The following UTRN variants were observed in gnomAD, a reference collection of about 807,000 sequenced individuals.
UTRN encodes utrophin, also known as dystrophin-related protein 1.
Under a neutral mutation model 463.9 loss-of-function variants are expected in UTRN, and 283 were observed. The observed-to-expected ratio is 0.61, with a 90% CI of 0.55 to 0.67. The LOEUF is 0.67. Ranked by LOEUF, UTRN falls within the 30% of genes least tolerant of loss-of-function variation. The pLI, the probability that UTRN is intolerant of heterozygous loss-of-function variation, is 0.00. For synonymous variants in UTRN, 1,442 were observed against 1,431.5 expected, an observed-to-expected ratio of 1.01 and a Z score of -0.17; for missense variants, 3,922 against 4,084.3, an observed-to-expected ratio of 0.96 and a Z score of 1.08.
intron 58 of UTRN, among the ~76,000 whole-genome samples, chr6:144,763,664 T>TATC (rs1792960866): frequency 6.6e-6 from 1 of 151,928 alleles, no homozygotes; most frequent in Admixed American, 6.6e-5. Context: ...CAGAGAGGAG[T>TATC]ATCAGCAAGG....
intron 61 of UTRN, among the ~76,000 whole-genome samples, chr6:144,784,287 A>G (rs1776111171): frequency 6.6e-6 from 1 of 152,194 alleles, no homozygotes; most frequent in Admixed American, 6.5e-5. Flanking sequence ...GATAGACTGA[A>G]TGGCTTCAAC....
intron 48 of UTRN, among the ~76,000 whole-genome samples, chr6:144,551,378 G>A (rs980055612): frequency 2.0e-5 from 3 of 151,848 alleles, no homozygotes; most frequent in Non-Finnish European, 4.4e-5. Context: ...CTTTCTTTTA[G>A]AGGAATAAAA....
Position 144,554,760 on chromosome 6 carries a change from T to TTGAG in UTRN, c.7001_7002insTGAG (p.Met2334IlefsTer5). Reference sequence around the variant, plus strand: ...CTAAGACAGCAGCAGCTTGAGGACATGATTATTGACAGTCTTCAGTGGGAT... The same window carrying TTGAG: ...CTAAGACAGCAGCAGCTTGAGGACATTGAGGATTATTGACAGTCTTCAGTGGGAT... On this transcript the variant is annotated frameshift_variant, in exon 49 of 75. Transcript: ENST00000367545. LOFTEE classifies it high-confidence loss of function. The TTGAG allele has an allele frequency of 6.2e-7, 1 of 1,613,894 alleles. No individual in the cohort carries two copies. Among genetic ancestry groups the TTGAG allele is most frequent in the African/African-American group, 1.3e-5 (1 of 74,960 alleles).
intron 51 of UTRN, among the ~76,000 whole-genome samples, chr6:144,668,537 A>T (rs1379578717): frequency 2.6e-5 from 4 of 152,164 alleles, no homozygotes; most frequent in Non-Finnish European, 5.9e-5. Flanking sequence ...AAACCACAGA[A>T]ATGTATTTCT....
At chr6:144,580,962 A>G (rs913429935) in intron 51 of UTRN, among the ~76,000 whole-genome samples, 3 of 152,224 alleles carry the variant, frequency 2.0e-5, no homozygotes, top group Non-Finnish European at 1.5e-5. Context: ...AATAGTATAC[A>G]TAGACTGAGG....
intron 48 of UTRN, among the ~76,000 whole-genome samples, chr6:144,551,780 A>C (rs531460006): frequency 2.0e-5 from 3 of 152,258 alleles, no homozygotes; most frequent in Admixed American, 2.0e-4. Context: ...TTCAGCCCTC[A>C]GCCCGGCCTG....
At chr6:144,485,257 A>T in intron 27 of UTRN, 128 bp from the exon 28 acceptor site, 1 of 1,362,818 alleles carries the variant, frequency 7.3e-7, no homozygotes. Flanking sequence ...TTTCAACTCC[A>T]TCAGTTCTGA....
chr6:144,719,270 A>T (rs537555822), intron 53 of UTRN, among the ~76,000 whole-genome samples: 22 of 152,286 alleles, frequency 1.4e-4, no homozygotes, highest in African/African-American at 4.6e-4. Context: ...AATGAGAAAG[A>T]GCAGAGCTAT....
At chr6:144,318,771 T>G (rs1775443072) in intron 2 of UTRN, among the ~76,000 whole-genome samples, 1 of 152,160 alleles carries the variant, frequency 6.6e-6, no homozygotes, top group Non-Finnish European at 1.5e-5. Context: ...GCCTATAATG[T>G]CTACTGAAAA....
Position 144,542,863 on chromosome 6 carries a change from G to T in UTRN, c.6588G>T (p.Arg2196Ser). The T allele has an allele frequency of 2.5e-6, 4 of 1,612,502 alleles. No homozygotes were observed. Among genetic ancestry groups the T allele is most frequent in the Non-Finnish European group, 1.7e-6 (2 of 1,179,364 alleles). Reference sequence around the variant, plus strand: ...AGCCCAGTTCTGTTTCACAGACAAGGATTGCTGGTAAGATATGTTTATCTT... The same window carrying T: ...AGCCCAGTTCTGTTTCACAGACAAGTATTGCTGGTAAGATATGTTTATCTT... The part of the protein sequence containing the change: ...IQEPSSVSQT[R>S]IAAHPNVQKV... Residue 2196 changes from arginine (R) to serine (S), a missense_variant, in exon 46 of 75, where the codon AGG becomes AGT. By Grantham distance (110) the Arg-to-Ser change is moderately radical (BLOSUM62 -1). Around this residue, in one of 3 missense-constraint regions of UTRN, gnomAD observed 2,349 missense variants for 2,303.8 expected, o/e 1.02. Coordinates refer to ENST00000367545, the MANE Select transcript of UTRN (RefSeq NM_007124.3).
In UTRN at chr6:144,487,541, A is replaced by T; in HGVS notation, c.3823-7A>T. 1.3e-6 allele frequency: 2 copies of T among 1,588,332 alleles called. No homozygotes were observed. The highest frequency in any genetic ancestry group is 1.7e-6 in the Non-Finnish European group (2 of 1,165,476). On this transcript the variant is annotated splice_region_variant and splice_polypyrimidine_tract_variant and intron_variant, in intron 28 of 74. Transcript: ENST00000367545. ...ATTATTATTTTTTTTTCCCATCTCC[A>T]TTCCAGTCTCTGGAATCTGTTCTGC...
Position 144,678,473 on chromosome 6 carries a change from T to C in UTRN, c.7547T>C (p.Met2516Thr). 2 of 1,613,448 alleles carry C rather than the reference T, an allele frequency of 1.2e-6. No homozygotes were observed. Among genetic ancestry groups the C allele is most frequent in the Non-Finnish European group, 1.7e-6 (2 of 1,179,650 alleles). The change falls in exon 52 of 75, where the codon ATG (methionine) becomes ACG (threonine). Residue 2516 changes from methionine to threonine, a missense_variant. Physicochemically the swap from Met to Thr is moderately conservative, Grantham distance 81 (BLOSUM62 -1). Transcript: ENST00000367545. ...AGCATTGACGGAAACAGGCAGAAGA[T>C]GGTAAAAGCTTTGGGAAATTCTGAA... ...FKSIDGNRQK[M>T]VKALGNSEEA...
intron 2 of UTRN, among the ~76,000 whole-genome samples, chr6:144,307,328 G>GGAGA (rs1805834240): frequency 6.6e-6 from 1 of 152,140 alleles, no homozygotes; most frequent in Admixed American, 6.5e-5. Context: ...GTTTGGGGAG[G>GGAGA]GAGAGAAGAG....
At chr6:144,375,543 T>C (rs1381662850) in intron 2 of UTRN, among the ~76,000 whole-genome samples, 1 of 152,204 alleles carries the variant, frequency 6.6e-6, no homozygotes, top group Non-Finnish European at 1.5e-5. Context: ...TTGGGTGTCA[T>C]GGTGACTTTT....
At chr6:144,693,291 A>G (rs1192745626) in intron 52 of UTRN, among the ~76,000 whole-genome samples, 7 of 152,094 alleles carry the variant, frequency 4.6e-5, no homozygotes, top group East Asian at 1.9e-4. Flanking sequence ...TTTGGTTACT[A>G]TAGACCTGTA....
At chr6:144,328,718 G>A (rs12662696) in intron 2 of UTRN, among the ~76,000 whole-genome samples, 1 of 152,018 alleles carries the variant, frequency 6.6e-6, no homozygotes, top group African/African-American at 2.4e-5. Flanking sequence ...ATAGATCAGG[G>A]TTTTTATTCT....
intron 61 of UTRN, among the ~76,000 whole-genome samples, chr6:144,784,116 A>C (rs2128739855): frequency 6.6e-6 from 1 of 152,346 alleles, no homozygotes. Context: ...TGCTAAATTC[A>C]TAGAATACTT....
At chr6:144,634,978 AT>A (rs1347976076) in intron 51 of UTRN, among the ~76,000 whole-genome samples, 1 of 152,116 alleles carries the variant, frequency 6.6e-6, no homozygotes, top group Non-Finnish European at 1.5e-5. Context: ...TGCTATGAAC[AT>A]TTATGTGCAA....
rs1554339291 is a variant in UTRN, at chr6:144,690,074, G to GTTTTTTTTTT, written c.7653-10000_7653-9991dup. Among the ~76,000 whole-genome samples the GTTTTTTTTTT allele has an allele frequency of 1.7e-3, 53 of 31,266 alleles. 18 individuals are homozygous for GTTTTTTTTTT. The highest frequency in any genetic ancestry group is 0.014 in the East Asian group (6 of 444). 20.5% of individuals were successfully genotyped at this position (31,266 alleles called of 152,430 possible). On this transcript the variant is annotated intron_variant, in intron 52 of 74. Transcript: ENST00000367545. ...GGCCATAGAGCTCCCAAAAGTTTCT[G>GTTTTTTTTTT]TTTTTTTTTTTTTTTTTTTTTTGTG...
Sources: allele counts gnomAD v4.1 joint callset (sites outside exome capture counted in the v4.1 genomes callset), GRCh38; gene constraint gnomAD v4.1.1; regional missense constraint gnomAD v4.1.1; transcripts MANE v1.5; gene names NCBI Gene and HGNC (gene_info 2026-07-23, HGNC 2026-07-21).